Variants in AKAP19 observed in about 807,000 individuals in gnomAD.
AKAP19 encodes small A-kinase anchoring protein.
the AKAP19 span, among the ~76,000 whole-genome samples, chr2:190,034,705 G>A: frequency 4.6e-5 from 7 of 151,234 alleles, no homozygotes; most frequent in Non-Finnish European, 8.8e-5. Context: ...AATTAGCCGG[G>A]CATGGTGGCG....
chr2:189,923,222 C>T, the AKAP19 span: 3 of 1,062,192 alleles, frequency 2.8e-6, no homozygotes, highest in Non-Finnish European at 4.2e-6. Flanking sequence ...TTGCCGACCT[C>T]CAGCAGCAGT....
chr2:190,116,783 T>C, the AKAP19 span, among the ~76,000 whole-genome samples: 1 of 152,168 alleles, frequency 6.6e-6, no homozygotes, highest in Admixed American at 6.5e-5. Context: ...CAGAACTGGT[T>C]TTGATTTATT....
the AKAP19 span, among the ~76,000 whole-genome samples, chr2:190,114,525 G>A: frequency 1.3e-5 from 2 of 152,140 alleles, no homozygotes; most frequent in African/African-American, 2.4e-5. Flanking sequence ...GCGCGATCTC[G>A]GCTCACTGCA....
chr2:190,024,342 G>A, the AKAP19 span, among the ~76,000 whole-genome samples: 5 of 147,760 alleles, frequency 3.4e-5, no homozygotes, highest in East Asian at 3.9e-4. Context: ...ATATATATAT[G>A]TGTGTGTGTA....
chr2:190,165,970 A>G, the AKAP19 span, among the ~76,000 whole-genome samples: 45 of 152,284 alleles, frequency 3.0e-4, no homozygotes, highest in Non-Finnish European at 5.4e-4. Flanking sequence ...ATATTTCAGA[A>G]AGAATGTCAA....
At chr2:189,961,343 G>A in the AKAP19 span, among the ~76,000 whole-genome samples, 1 of 152,290 alleles carries the variant, frequency 6.6e-6, no homozygotes, top group East Asian at 1.9e-4. Context: ...AGTTATGCCA[G>A]ACACTGCCAA....
the AKAP19 span, among the ~76,000 whole-genome samples, chr2:190,098,649 A>G: frequency 6.6e-6 from 1 of 152,230 alleles, no homozygotes; most frequent in Non-Finnish European, 1.5e-5. Flanking sequence ...CCTTAGAACA[A>G]GAGAGTCAGC....
the AKAP19 span, among the ~76,000 whole-genome samples, chr2:190,050,043 G>T: frequency 2.0e-5 from 3 of 152,142 alleles, no homozygotes; most frequent in African/African-American, 7.2e-5. Context: ...ACTGTTAAAA[G>T]AACAACTTTT....
chr2:189,956,281 T>C, the AKAP19 span, among the ~76,000 whole-genome samples: 2 of 143,988 alleles, frequency 1.4e-5, no homozygotes, highest in African/African-American at 5.1e-5. Flanking sequence ...GCCATTCTCC[T>C]GCCTCAGCCT....
chr2:189,963,361 A>T, the AKAP19 span, among the ~76,000 whole-genome samples: 3 of 151,356 alleles, frequency 2.0e-5, no homozygotes, highest in East Asian at 3.9e-4. Flanking sequence ...CACCTGGCTA[A>T]TTTTTTTGTA....
chr2:190,062,179 C>A, the AKAP19 span: 3 of 1,605,380 alleles, frequency 1.9e-6, no homozygotes, highest in African/African-American at 2.7e-5. Context: ...AACACTAGAA[C>A]AACAGTCAGC....
the AKAP19 span, among the ~76,000 whole-genome samples, chr2:189,914,048 C>T: frequency 8.5e-5 from 13 of 152,110 alleles, no homozygotes; most frequent in East Asian, 2.5e-3. Context: ...TTTAGAACAG[C>T]TGTGTCTTTT....
chr2:189,891,202 G>T, the AKAP19 span, among the ~76,000 whole-genome samples: 2 of 147,446 alleles, frequency 1.4e-5, no homozygotes, highest in South Asian at 2.2e-4. Flanking sequence ...GAAATTCTAG[G>T]TTGAAAGTTC....
the AKAP19 span, chr2:190,057,367 C>G: frequency 6.2e-7 from 1 of 1,613,588 alleles, no homozygotes; most frequent in Non-Finnish European, 8.5e-7. Flanking sequence ...TGTGGGAGTA[C>G]AGCAAGGGCC....
At chr2:190,131,074 A>G in the AKAP19 span, among the ~76,000 whole-genome samples, 1 of 152,144 alleles carries the variant, frequency 6.6e-6, no homozygotes, top group East Asian at 1.9e-4. Context: ...AAATCCTTGT[A>G]ATTTCCTGAG....
the AKAP19 span, among the ~76,000 whole-genome samples, chr2:190,053,196 C>CTT: frequency 6.6e-6 from 1 of 152,088 alleles, no homozygotes; most frequent in African/African-American, 2.4e-5. Flanking sequence ...GCTAGTCAAC[C>CTT]TTTATAAGTT....
the AKAP19 span, among the ~76,000 whole-genome samples, chr2:189,952,412 C>T: frequency 6.6e-6 from 1 of 152,020 alleles, no homozygotes; most frequent in Non-Finnish European, 1.5e-5. Context: ...CTTTTTGGAA[C>T]TGAAACAAAA....
the AKAP19 span, among the ~76,000 whole-genome samples, chr2:189,973,680 A>C: frequency 3.3e-5 from 5 of 152,278 alleles, no homozygotes; most frequent in South Asian, 1.0e-3. Context: ...TTGGTTATTC[A>C]GGGATTCAAC....
chr2:189,884,955 A>G, the AKAP19 span, among the ~76,000 whole-genome samples: 1 of 152,258 alleles, frequency 6.6e-6, no homozygotes, highest in Non-Finnish European at 1.5e-5. Flanking sequence ...ATGCAAATAT[A>G]CACTGAAAAT....
Sources: allele counts gnomAD v4.1 joint callset (sites outside exome capture counted in the v4.1 genomes callset), GRCh38; gene constraint gnomAD v4.1.1; transcripts MANE v1.5; gene names NCBI Gene and HGNC (gene_info 2026-07-23, HGNC 2026-07-21).